ADARB2: variants seen among roughly 807,000 people sequenced by gnomAD.
The protein encoded by ADARB2 is adenosine deaminase RNA specific B2 (inactive).
A neutral mutation model predicts 62.2 loss-of-function variants in ADARB2; 25 were observed. The observed-to-expected ratio is 0.40, with a 90% CI of 0.29 to 0.56. ADARB2 has a LOEUF of 0.56. ADARB2 is among the 20% of genes least tolerant of loss of function. The probability of loss-of-function intolerance (pLI) is 0.43; values close to 1 mark genes in which losing one functional copy is unlikely to be tolerated. For missense variants in ADARB2, 1,071 were observed against 1,077.4 expected, an observed-to-expected ratio of 0.99 and a Z score of 0.08; for synonymous variants, 572 against 500.8, an observed-to-expected ratio of 1.14 and a Z score of -1.90.
intron 7 of ADARB2, among the ~76,000 whole-genome samples, chr10:1,205,250 A>AC (rs1837037393): frequency 6.6e-6 from 1 of 152,100 alleles, no homozygotes; most frequent in African/African-American, 2.4e-5. Context: ...TTGGGAGTAC[A>AC]CGAGGGCCTT....
intron 4 of ADARB2, among the ~76,000 whole-genome samples, chr10:1,265,864 C>G (rs577008942): frequency 8.3e-6 from 1 of 120,676 alleles, no homozygotes; most frequent in Non-Finnish European, 1.8e-5. Flanking sequence ...TCCACGCTCC[C>G]CCGGAAGACG....
At position 1,540,073 on chromosome 10, in the gene ADARB2, T is replaced by C. The variant is rs1484899019; in HGVS notation, c.101-160913A>G. 2.0e-5 allele frequency among the ~76,000 whole-genome samples: 3 copies of C among 152,326 alleles called. No individual in the cohort carries two copies. The East Asian group carries it at 5.8e-4, about 29-fold the overall frequency. On this transcript the variant is annotated intron_variant, in intron 1 of 9. Coordinates refer to ENST00000381312, the MANE Select transcript of ADARB2 (RefSeq NM_018702.4). ...GAGGTGTAAGAGACAGTTTGGATTT[T>C]ATCTGAATCGTGGCAGCTCTGACTT...
chr10:1,363,510 G>GT lies in ADARB2; in HGVS notation c.594_595insA (p.His199ThrfsTer190). The GT allele has an allele frequency of 1.3e-6, 2 of 1,532,170 alleles. No homozygotes were observed. Among genetic ancestry groups the GT allele is most frequent in the Non-Finnish European group, 1.7e-6 (2 of 1,143,796 alleles). The allele number at this position is 1,532,170 out of a possible 1,614,324, so 94.9% of individuals were successfully genotyped here. ...CCCGGGCCCCCGCCCATGGCCAGGT[G>GT]CGCCTGGCAGGCGTTGGGGAACTGC... On this transcript the variant is annotated frameshift_variant, in exon 3 of 10. Transcript: ENST00000381312. LOFTEE classifies it high-confidence loss of function.
intron 7 of ADARB2, among the ~76,000 whole-genome samples, chr10:1,208,259 G>A (rs1193024968): frequency 2.6e-5 from 4 of 152,246 alleles, no homozygotes; most frequent in East Asian, 1.9e-4. Context: ...TAGGGCTGCT[G>A]TGGGACAACC....
chr10:1,696,632 C>T (rs901872131), intron 1 of ADARB2, among the ~76,000 whole-genome samples: 1 of 152,198 alleles, frequency 6.6e-6, no homozygotes, highest in Non-Finnish European at 1.5e-5. Flanking sequence ...TCCAGCGGAC[C>T]TGCCCACCTG....
chr10:1,230,684 C>G (rs1296553966), intron 6 of ADARB2, among the ~76,000 whole-genome samples: 1 of 152,256 alleles, frequency 6.6e-6, no homozygotes, highest in Non-Finnish European at 1.5e-5. Context: ...ACAGCAGGAA[C>G]TTGAGTTCTC....
In ADARB2 at chr10:1,363,743, G is replaced by A. The variant is rs1174693400; in HGVS notation, c.362C>T (p.Ser121Leu). The stretch of plus-strand genomic sequence containing the variant: ...CGCGTTCTTGGGCGCCACCGACCAC[G>A]ACAGCTTCTTCCAGACCAGCTGCAG... ...CKLQLVWKKLSWSVAPKNALV... is the reference protein window; with the variant it reads ...CKLQLVWKKLLWSVAPKNALV... The change falls in exon 3 of 10, where the codon TCG becomes TTG. Residue 121 changes from serine (S) to leucine (L), a missense_variant. Transcript: ENST00000381312. The A allele has an allele frequency of 6.2e-7, 1 of 1,608,312 alleles. No individual in the cohort carries two copies. The highest frequency in any genetic ancestry group is 8.5e-7 in the Non-Finnish European group (1 of 1,179,504).
chr10:1,297,363 A>G (rs984951454), intron 3 of ADARB2, among the ~76,000 whole-genome samples: 2 of 152,208 alleles, frequency 1.3e-5, no homozygotes, highest in Non-Finnish European at 2.9e-5. Context: ...CCAGAGCCAA[A>G]CTCAAGTTTT....
intron 3 of ADARB2, among the ~76,000 whole-genome samples, chr10:1,352,646 C>T (rs1171832781): frequency 6.6e-6 from 1 of 152,240 alleles, no homozygotes; most frequent in African/African-American, 2.4e-5. Flanking sequence ...CTATGCTCAA[C>T]TCATTCTCTG....
At position 1,294,572 on chromosome 10, in the gene ADARB2, C is replaced by T. The variant is rs117899997; in HGVS notation, c.1078-23503G>A. On this transcript the variant is annotated intron_variant, in intron 3 of 9. Coordinates refer to ENST00000381312, the MANE Select transcript of ADARB2 (RefSeq NM_018702.4). ...ACCAAGCAGAGGGTTCCAGTGATGTCGACCCTAGGACTTCTCCGGCTCTGA... is the reference window on the plus strand; with the variant it reads ...ACCAAGCAGAGGGTTCCAGTGATGTTGACCCTAGGACTTCTCCGGCTCTGA... Among the ~76,000 whole-genome samples the T allele has an allele frequency of 2.0e-3, 304 of 152,268 alleles. 2 individuals are homozygous for T. In the South Asian group the frequency reaches 0.022, roughly 11 times the overall value.
At chr10:1,263,714 G>A (rs549296593) in intron 4 of ADARB2, among the ~76,000 whole-genome samples, 47 of 152,290 alleles carry the variant, frequency 3.1e-4, no homozygotes, top group African/African-American at 1.1e-3. Context: ...GATAAATGAA[G>A]GCATTTGGTG....
At chr10:1,677,591 T>C (rs1834482868) in intron 1 of ADARB2, among the ~76,000 whole-genome samples, 1 of 152,070 alleles carries the variant, frequency 6.6e-6, no homozygotes, top group Non-Finnish European at 1.5e-5. Flanking sequence ...CAGGTGGAGC[T>C]CCTCCTGGCC....
Position 1,480,073 on chromosome 10 carries a change from C to A in ADARB2, c.101-100913G>T, listed in dbSNP as rs905587127. ...AAACCATATACAAAACAAAAAAAAA[C>A]CTACAGCGAAAATTGTACTCAATGG... On this transcript the variant is annotated intron_variant, in intron 1 of 9. Transcript: ENST00000381312. 6.8e-5 allele frequency among the ~76,000 whole-genome samples: 10 copies of A among 147,586 alleles called. No homozygotes were observed. In the East Asian group the frequency reaches 1.4e-3, roughly 20 times the overall value.
At chr10:1,382,359 C>T (rs1046905485) in intron 1 of ADARB2, among the ~76,000 whole-genome samples, 1 of 152,214 alleles carries the variant, frequency 6.6e-6, no homozygotes, top group African/African-American at 2.4e-5. Flanking sequence ...ACAAGTACAC[C>T]TGAAATTCCA....
chr10:1,591,330 T>C (rs552703763), intron 1 of ADARB2, among the ~76,000 whole-genome samples: 1 of 152,128 alleles, frequency 6.6e-6, no homozygotes, highest in Admixed American at 6.5e-5. Context: ...CCTTCTTTCC[T>C]CCCTCTCAAA....
At chr10:1,551,266 C>CTGACTGT (rs2131978292) in intron 1 of ADARB2, among the ~76,000 whole-genome samples, 2 of 152,296 alleles carry the variant, frequency 1.3e-5, no homozygotes, top group South Asian at 4.1e-4. Flanking sequence ...TCCAGCCTCT[C>CTGACTGT]TGACTGTGAC....
chr10:1,280,634 G>T (rs981221014), intron 3 of ADARB2, among the ~76,000 whole-genome samples: 1 of 150,556 alleles, frequency 6.6e-6, no homozygotes, highest in Non-Finnish European at 1.5e-5. Context: ...GTGATGCTCC[G>T]TGAAATTCCT....
At chr10:1,597,912 C>A (rs1308600704) in intron 1 of ADARB2, among the ~76,000 whole-genome samples, 1 of 152,178 alleles carries the variant, frequency 6.6e-6, no homozygotes, top group South Asian at 2.1e-4. Context: ...CAATGTGGTA[C>A]ATATACACTG....
At chr10:1,388,223 G>T (rs1220357716) in intron 1 of ADARB2, among the ~76,000 whole-genome samples, 2 of 151,980 alleles carry the variant, frequency 1.3e-5, no homozygotes, top group African/African-American at 2.4e-5. Context: ...AGGACTAGAA[G>T]AAAATTTCCT....
Sources: gnomAD v4.1 joint callset for allele counts (sites outside exome capture counted in the v4.1 genomes callset) on GRCh38, gnomAD v4.1.1 for gene constraint, MANE v1.5 for transcripts, NCBI Gene and HGNC (gene_info 2026-07-23, HGNC 2026-07-21) for gene names.